Variants in TMTC1 observed in about 807,000 individuals in gnomAD.
TMTC1 encodes the protein protein O-mannosyl-transferase TMTC1.
Under a neutral mutation model 104.8 loss-of-function variants are expected in TMTC1, and 73 were observed. The ratio of observed to expected loss-of-function variants is 0.70; its 90% confidence interval spans 0.58 to 0.85. The LOEUF is 0.85. Among genes scored for constraint, TMTC1 ranks in the 40% least tolerant of loss-of-function variants. TMTC1 has a pLI of 0.00. For missense variants in TMTC1, 1,035 were observed against 1,096.1 expected (o/e 0.94, Z 0.79); for synonymous variants, 434 against 428.7 (o/e 1.01, Z -0.15).
At chr12:29,772,834 T>C (rs1462060337) in intron 1 of TMTC1, among the ~76,000 whole-genome samples, 8 of 152,182 alleles carry the variant, frequency 5.3e-5, no homozygotes, top group African/African-American at 1.9e-4. Flanking sequence ...ACTCATTAAC[T>C]ATATTCCTCA....
rs1174156187 is a variant in TMTC1, at chr12:29,644,149, G to GTGTA, written c.939-10814_939-10813insTACA. On this transcript the variant is annotated intron_variant, in intron 5 of 17. Coordinates refer to ENST00000539277, the MANE Select transcript of TMTC1 (RefSeq NM_001193451.2). ...TGTGTGTGTGTGTGTGTGTGTGTGT[G>GTGTA]TATATATATATATAATGAAATACTA... Among the ~76,000 whole-genome samples, 75 of 49,378 alleles carry GTGTA rather than the reference G, an allele frequency of 1.5e-3. 2 individuals are homozygous for GTGTA. The highest frequency in any genetic ancestry group is 2.3e-3 in the African/African-American group (31 of 13,678). 32.4% of individuals were successfully genotyped at this position (49,378 alleles called of 152,430 possible). A position where few individuals can be genotyped will look rare whatever the true frequency, so the allele number is the denominator to read the frequency against.
intron 5 of TMTC1, among the ~76,000 whole-genome samples, chr12:29,717,491 A>T (rs1942117261): frequency 6.6e-6 from 1 of 152,208 alleles, no homozygotes; most frequent in Non-Finnish European, 1.5e-5. Flanking sequence ...GCAGTGTTCC[A>T]CTGAAAATGT....
intron 8 of TMTC1, 90 bp downstream of exon 8, chr12:29,583,317 G>T: frequency 7.9e-7 from 1 of 1,263,328 alleles, no homozygotes; most frequent in Non-Finnish European, 1.1e-6. Flanking sequence ...AGTAAATACT[G>T]CCAGGCCCAT....
chr12:29,632,944 C>T (rs1229343067), intron 6 of TMTC1, among the ~76,000 whole-genome samples: 1 of 152,046 alleles, frequency 6.6e-6, no homozygotes, highest in Non-Finnish European at 1.5e-5. Context: ...AAACATTAAG[C>T]TTCAGTTTCA....
intron 11 of TMTC1, among the ~76,000 whole-genome samples, chr12:29,523,453 G>C (rs766536172): frequency 2.0e-5 from 3 of 152,212 alleles, no homozygotes; most frequent in Non-Finnish European, 2.9e-5. Context: ...TGGTAGGAGA[G>C]AAATAGGCAC....
intron 5 of TMTC1, among the ~76,000 whole-genome samples, chr12:29,668,085 G>A (rs911298755): frequency 6.6e-6 from 1 of 152,194 alleles, no homozygotes; most frequent in Non-Finnish European, 1.5e-5. Context: ...ACAGATCATT[G>A]TTAAACTGCA....
intron 3 of TMTC1, among the ~76,000 whole-genome samples, chr12:29,758,323 G>A (rs1943264067): frequency 6.6e-6 from 1 of 152,054 alleles, no homozygotes; most frequent in Non-Finnish European, 1.5e-5. Flanking sequence ...AAAAGTATTA[G>A]GAACAAAATG....
intron 9 of TMTC1, among the ~76,000 whole-genome samples, chr12:29,557,622 A>G (rs1004945628): frequency 3.3e-5 from 5 of 152,064 alleles, no homozygotes; most frequent in Non-Finnish European, 7.4e-5. Flanking sequence ...GTTAATTTTT[A>G]TATTTTTAGG....
chr12:29,684,751 G>T (rs1409994166), intron 5 of TMTC1, among the ~76,000 whole-genome samples: 1 of 152,068 alleles, frequency 6.6e-6, no homozygotes, highest in Non-Finnish European at 1.5e-5. Flanking sequence ...AGAAAATACA[G>T]TGAAAACACT....
chr12:29,594,199 A>G (rs554536285), intron 7 of TMTC1, among the ~76,000 whole-genome samples: 41 of 152,338 alleles, frequency 2.7e-4, no homozygotes, highest in African/African-American at 9.1e-4. Flanking sequence ...CCAAAAAATT[A>G]GGAAAACCAC....
intron 8 of TMTC1, among the ~76,000 whole-genome samples, chr12:29,577,014 AT>A: frequency 6.6e-6 from 1 of 152,316 alleles, no homozygotes; most frequent in Non-Finnish European, 1.5e-5. Flanking sequence ...AAATAATATC[AT>A]AAATGGTGTT....
chr12:29,779,749 G>C (rs960781216), intron 1 of TMTC1, among the ~76,000 whole-genome samples: 3 of 152,150 alleles, frequency 2.0e-5, no homozygotes, highest in African/African-American at 7.2e-5. Flanking sequence ...ACAAGCTACA[G>C]AGTGGGAGAA....
At chr12:29,597,512 C>T (rs903157434) in intron 7 of TMTC1, among the ~76,000 whole-genome samples, 1 of 151,934 alleles carries the variant, frequency 6.6e-6, no homozygotes, top group Non-Finnish European at 1.5e-5. Context: ...GAGCCTGTCC[C>T]ATGGCAGATG....
chr12:29,774,478 C>A (rs1221822062), intron 1 of TMTC1, among the ~76,000 whole-genome samples: 2 of 152,070 alleles, frequency 1.3e-5, no homozygotes, highest in Non-Finnish European at 2.9e-5. Context: ...TTAAAAGTAA[C>A]CCTTTATTAT....
chr12:29,728,833 C>CAAAA, intron 5 of TMTC1, among the ~76,000 whole-genome samples: 1 of 129,562 alleles, frequency 7.7e-6, no homozygotes, highest in Non-Finnish European at 1.7e-5. Context: ...CGCCGTCCTA[C>CAAAA]AAAAAAAAAA....
At chr12:29,597,087 A>G (rs1257689077) in intron 7 of TMTC1, among the ~76,000 whole-genome samples, 1 of 152,168 alleles carries the variant, frequency 6.6e-6, no homozygotes, top group Admixed American at 6.5e-5. Context: ...AGCCATCCGC[A>G]GTATCATCTC....
intron 17 of TMTC1, among the ~76,000 whole-genome samples, chr12:29,510,483 T>C (rs1943803003): frequency 6.6e-6 from 1 of 152,202 alleles, no homozygotes; most frequent in Non-Finnish European, 1.5e-5. Flanking sequence ...CCCAGCTAGA[T>C]ACTACTGGAC....
At chr12:29,750,584 C>T (rs999173014) in intron 5 of TMTC1, among the ~76,000 whole-genome samples, 3 of 152,124 alleles carry the variant, frequency 2.0e-5, no homozygotes, top group African/African-American at 7.2e-5. Flanking sequence ...AAAAAACAAA[C>T]ATAGGCAAAG....
chr12:29,560,994 A>C (rs1331124133), intron 9 of TMTC1, among the ~76,000 whole-genome samples: 2 of 152,200 alleles, frequency 1.3e-5, no homozygotes, highest in Non-Finnish European at 2.9e-5. Context: ...TTTACCCTTC[A>C]AAACTGCTTA....
Sources: allele counts gnomAD v4.1 joint callset (sites outside exome capture counted in the v4.1 genomes callset), GRCh38; gene constraint gnomAD v4.1.1; transcripts MANE v1.5; gene names NCBI Gene and HGNC (gene_info 2026-07-23, HGNC 2026-07-21).